Variants in CRISPLD2 observed in about 807,000 individuals in gnomAD.
CRISPLD2 encodes the protein cysteine rich secretory protein LCCL domain containing 2.
Under a neutral mutation model 71.1 loss-of-function variants are expected in CRISPLD2, and 47 were observed. That is an observed-to-expected ratio of 0.66 (90% CI 0.52 to 0.84). The LOEUF (loss-of-function observed/expected upper bound fraction) is 0.84. CRISPLD2 is among the 40% of genes least tolerant of loss of function. CRISPLD2 has a pLI of 0.00. For synonymous variants in CRISPLD2, 317 were observed against 250.1 expected (o/e 1.27, Z -2.52); for missense variants, 830 against 651.1 (o/e 1.27, Z -2.99).
intron 5 of CRISPLD2, among the ~76,000 whole-genome samples, chr16:84,853,446 G>T (rs1210374499): frequency 1.3e-5 from 2 of 152,198 alleles, no homozygotes; most frequent in African/African-American, 4.8e-5. Context: ...GAGGGTGGAA[G>T]AGGCTGTGTG....
At chr16:84,873,477 CA>C (rs1188564241) in intron 10 of CRISPLD2, 2,261 of 22,634 alleles carry the variant, frequency 0.1, 39 homozygotes, top group African/African-American at 0.26. Context: ...AACTCCGTCT[CA>C]AAAAAAAAAA....
At chr16:84,863,469 T>TAAA (rs1414549647) in intron 6 of CRISPLD2, among the ~76,000 whole-genome samples, 2 of 151,866 alleles carry the variant, frequency 1.3e-5, no homozygotes. Flanking sequence ...GATAAGGATA[T>TAAA]AAAAAAAGAG....
intron 13 of CRISPLD2, among the ~76,000 whole-genome samples, chr16:84,885,702 C>A (rs2071606539): frequency 6.6e-6 from 1 of 152,184 alleles, no homozygotes; most frequent in Non-Finnish European, 1.5e-5. Context: ...GCAGGAAATC[C>A]ACTTTTCAGG....
At chr16:84,877,921 C>T (rs557098773) in intron 12 of CRISPLD2, among the ~76,000 whole-genome samples, 17 of 150,856 alleles carry the variant, frequency 1.1e-4, no homozygotes, top group Non-Finnish European at 2.4e-4. Context: ...TAGAAGTAAA[C>T]GATGTGTGGC....
intron 6 of CRISPLD2, among the ~76,000 whole-genome samples, chr16:84,866,489 G>A (rs1917541407): frequency 6.6e-6 from 1 of 152,152 alleles, no homozygotes; most frequent in Non-Finnish European, 1.5e-5. Flanking sequence ...GCCCACCTCA[G>A]CCTCCCAAAG....
At chr16:84,847,720 T>C (rs1470275804) in intron 3 of CRISPLD2, among the ~76,000 whole-genome samples, 1 of 152,084 alleles carries the variant, frequency 6.6e-6, no homozygotes, top group Non-Finnish European at 1.5e-5. Context: ...GGAATTCCAC[T>C]AGCCTGGTTC....
chr16:84,875,462 T>A (rs2071510205), intron 11 of CRISPLD2, among the ~76,000 whole-genome samples: 2 of 149,324 alleles, frequency 1.3e-5, no homozygotes. Flanking sequence ...ATCATTAGTG[T>A]TAGTATATTT....
chr16:84,895,132 C>T (rs1052932359), intron 14 of CRISPLD2, among the ~76,000 whole-genome samples: 2 of 152,182 alleles, frequency 1.3e-5, no homozygotes, highest in Admixed American at 6.5e-5. Context: ...CATTCCCCAA[C>T]AGCCCTGCAA....
intron 1 of CRISPLD2, among the ~76,000 whole-genome samples, chr16:84,820,797 G>A (rs1288187762): frequency 6.6e-6 from 1 of 152,152 alleles, no homozygotes; most frequent in Non-Finnish European, 1.5e-5. Context: ...CACGTTTCTG[G>A]GTTTCTTTAG....
intron 6 of CRISPLD2, among the ~76,000 whole-genome samples, chr16:84,859,683 A>G (rs1917331586): frequency 6.6e-6 from 1 of 152,212 alleles, no homozygotes; most frequent in Non-Finnish European, 1.5e-5. Flanking sequence ...TTAAGTGGGA[A>G]TGTAGTAGGC....
intron 14 of CRISPLD2, among the ~76,000 whole-genome samples, chr16:84,897,428 C>G (rs1327724416): frequency 6.6e-6 from 1 of 152,114 alleles, no homozygotes; most frequent in Non-Finnish European, 1.5e-5. Flanking sequence ...GCACTCTAGC[C>G]TCGGTGACAG....
rs538468006 is a variant in CRISPLD2, at chr16:84,906,940, C to T, written c.*298C>T. 4.5e-6 allele frequency: 2 copies of T among 449,350 alleles called. No individual in the cohort carries two copies. The highest frequency in any genetic ancestry group is 7.7e-5 in the Admixed American group (2 of 25,912). 27.8% of individuals were successfully genotyped at this position (449,350 alleles called of 1,614,324 possible). ...AGCTGTCTCTTAAAGGGGACAGTTG[C>T]CCAAAATGTTCCTTGCTATGTGTTC... is the stretch of plus-strand genomic sequence containing the variant. On this transcript the variant is annotated 3_prime_UTR_variant, in exon 15 of 15. Coordinates refer to ENST00000262424, the MANE Select transcript of CRISPLD2 (RefSeq NM_031476.4).
At chr16:84,877,312 C>T (rs2071527848) in intron 11 of CRISPLD2, 126 bp from the exon 12 acceptor site, 2 of 787,224 alleles carry the variant, frequency 2.5e-6, no homozygotes, top group Non-Finnish European at 2.1e-6. Context: ...GGTCGTAGTC[C>T]CAGCTCTATT....
intron 12 of CRISPLD2, among the ~76,000 whole-genome samples, chr16:84,880,116 C>T (rs549686476): frequency 1.3e-5 from 2 of 152,140 alleles, no homozygotes; most frequent in Non-Finnish European, 2.9e-5. Flanking sequence ...CACAGGGAAG[C>T]GGCCTTAGAA....
At chr16:84,861,437 C>G (rs1300629692) in intron 6 of CRISPLD2, among the ~76,000 whole-genome samples, 1 of 152,164 alleles carries the variant, frequency 6.6e-6, no homozygotes. Context: ...AGTCCCAAAG[C>G]TAAAGAACTT....
intron 6 of CRISPLD2, among the ~76,000 whole-genome samples, chr16:84,862,081 C>T (rs1007068008): frequency 8.5e-5 from 13 of 152,154 alleles, no homozygotes; most frequent in African/African-American, 2.9e-4. Flanking sequence ...GTGTCCTTGC[C>T]CCCATTGGCC....
chr16:84,849,583 TG>T, intron 4 of CRISPLD2, 66 bp downstream of exon 4: 2 of 1,453,196 alleles, frequency 1.4e-6, no homozygotes, highest in East Asian at 2.4e-5. Flanking sequence ...CCCCTGCCCC[TG>T]GGGGATTGTC....
intron 2 of CRISPLD2, among the ~76,000 whole-genome samples, chr16:84,842,720 G>A (rs1275256933): frequency 1.3e-5 from 2 of 152,156 alleles, no homozygotes; most frequent in Non-Finnish European, 2.9e-5. Flanking sequence ...GAGGGGGCTT[G>A]TTGGAACATG....
chr16:84,823,027 C>G lies in CRISPLD2; in HGVS notation c.-75+2894C>G, dbSNP rs1480017487. Among the ~76,000 whole-genome samples the G allele has an allele frequency of 3.3e-5, 5 of 152,354 alleles. No homozygotes were observed. The South Asian group carries it at 6.2e-4, about 19-fold the overall frequency. ...GGCCCATTAGGCATCATTCGCCATT[C>G]TCCTCCCTTCAGCCGCTCATCTCCT... On this transcript the variant is annotated intron_variant, in intron 1 of 14. Coordinates refer to ENST00000262424, the MANE Select transcript of CRISPLD2 (RefSeq NM_031476.4).
Sources: gnomAD v4.1 joint callset for allele counts (sites outside exome capture counted in the v4.1 genomes callset) on GRCh38, gnomAD v4.1.1 for gene constraint, MANE v1.5 for transcripts, NCBI Gene and HGNC (gene_info 2026-07-23, HGNC 2026-07-21) for gene names.